The following GRB10 variants were observed in gnomAD, a reference collection of about 807,000 sequenced individuals.
GRB10 encodes growth factor receptor bound protein 10.
GRB10 carries 20 observed loss-of-function variants against 80.9 expected under a neutral mutation model. The observed-to-expected ratio is 0.25, with a 90% CI of 0.17 to 0.36. The LOEUF (loss-of-function observed/expected upper bound fraction) is 0.36. Among genes scored for constraint, GRB10 ranks in the 10% least tolerant of loss-of-function variants. The pLI is 1.00. For synonymous variants in GRB10, 291 were observed against 291.5 expected, an observed-to-expected ratio of 1.00 and a Z score of 0.02; for missense variants, 548 against 747.7, an observed-to-expected ratio of 0.73 and a Z score of 3.12.
At chr7:50,606,924 C>G in intron 13 of GRB10, 1 of 174,618 alleles carries the variant, frequency 5.7e-6, no homozygotes, top group Non-Finnish European at 1.2e-5. Context: ...CATGTCGTGA[C>G]TTTTCTCTGT....
intron 15 of GRB10, 47 bp from the exon 16 acceptor site, chr7:50,604,424 ACCAAGTCAC>A (rs759386028): frequency 5.4e-6 from 8 of 1,479,026 alleles, no homozygotes; most frequent in Non-Finnish European, 6.6e-6. Context: ...AGACAGACAC[ACCAAGTCAC>A]CCAATATGTC....
At chr7:50,639,245 T>C (rs892468501) in intron 7 of GRB10, among the ~76,000 whole-genome samples, 4 of 152,218 alleles carry the variant, frequency 2.6e-5, no homozygotes, top group African/African-American at 9.6e-5. Flanking sequence ...GTCTAAAATT[T>C]AAAAATACGT....
rs553867731 is a variant in GRB10 at position 50,719,458 on chromosome 7, A to G, written c.51+12814T>C. 6.7e-5 allele frequency among the ~76,000 whole-genome samples: 10 copies of G among 149,434 alleles called. 1 individual carries two copies. The South Asian group carries it at 1.3e-3, about 19-fold the overall frequency. The stretch of plus-strand genomic sequence containing the variant: ...CAAACACTGCATGTTCTCACTCATA[A>G]GCGGCAGTTGAACAATGAGAACACG... On this transcript the variant is annotated intron_variant, in intron 4 of 18. Coordinates refer to ENST00000401949, the MANE Select transcript of GRB10 (RefSeq NM_001350814.2).
intron 5 of GRB10, among the ~76,000 whole-genome samples, chr7:50,686,902 T>C: frequency 1.3e-5 from 2 of 152,350 alleles, no homozygotes; most frequent in East Asian, 3.9e-4. Context: ...TCTTTAGTTT[T>C]TTCCTCACTA....
chr7:50,665,925 C>T (rs891794789), intron 7 of GRB10, among the ~76,000 whole-genome samples: 3 of 152,180 alleles, frequency 2.0e-5, no homozygotes, highest in African/African-American at 7.2e-5. Context: ...TCCCGCCAAC[C>T]CAGATGACTC....
At chr7:50,644,988 T>C (rs1289094502) in intron 7 of GRB10, among the ~76,000 whole-genome samples, 1 of 151,924 alleles carries the variant, frequency 6.6e-6, no homozygotes, top group Non-Finnish European at 1.5e-5. Context: ...AGGGCTATAA[T>C]CCCCAGTACC....
At chr7:50,721,447 G>C (rs558232595) in intron 4 of GRB10, among the ~76,000 whole-genome samples, 44 of 152,222 alleles carry the variant, frequency 2.9e-4, no homozygotes, top group Non-Finnish European at 5.7e-4. Context: ...TTGAATTCAA[G>C]TAGCCCTTAC....
intron 7 of GRB10, among the ~76,000 whole-genome samples, chr7:50,633,824 G>A (rs1347481475): frequency 6.6e-6 from 1 of 152,140 alleles, no homozygotes; most frequent in Non-Finnish European, 1.5e-5. Context: ...TTGAAGACTA[G>A]TCTTTTGAAT....
intron 5 of GRB10, among the ~76,000 whole-genome samples, chr7:50,698,949 TACTC>T (rs2063797644): frequency 6.6e-6 from 1 of 152,244 alleles, no homozygotes; most frequent in Non-Finnish European, 1.5e-5. Context: ...GCTCTCCACT[TACTC>T]AGGTTGTTTT....
At chr7:50,631,007 A>T (rs943260694) in intron 7 of GRB10, among the ~76,000 whole-genome samples, 1 of 152,186 alleles carries the variant, frequency 6.6e-6, no homozygotes, top group Non-Finnish European at 1.5e-5. Context: ...AAGGTAGATC[A>T]TTATATCTCC....
intron 17 of GRB10, chr7:50,595,751 G>A: frequency 2.0e-6 from 1 of 501,992 alleles, no homozygotes. Flanking sequence ...TTCTCCATTG[G>A]AAAAAAGCTG....
chr7:50,756,447 C>A (rs189702928), intron 2 of GRB10, among the ~76,000 whole-genome samples: 82 of 152,338 alleles, frequency 5.4e-4, no homozygotes, highest in Non-Finnish European at 8.8e-4. Context: ...AACCTTCGGC[C>A]CACCCAGCAG....
rs200448804 is a variant in GRB10 at position 50,774,995 on chromosome 7, C to CAAAAA, written c.-217+5631_-217+5632insTTTTT. 3.2e-5 allele frequency among the ~76,000 whole-genome samples: 4 copies of CAAAAA among 123,414 alleles called. 1 individual carries two copies. Among genetic ancestry groups the CAAAAA allele is most frequent in the Non-Finnish European group, 7.5e-5 (4 of 53,486 alleles). 81.0% of individuals were successfully genotyped at this position (123,414 alleles called of 152,430 possible). ...CCCATCTCTAATACCAAAAACAAAA[C>CAAAAA]AAAACAAAAAAAAAAACTAGCTGGG... On this transcript the variant is annotated intron_variant, in intron 2 of 18. Coordinates refer to ENST00000401949, the MANE Select transcript of GRB10 (RefSeq NM_001350814.2).
Position 50,596,940 on chromosome 7 carries a change from G to T in GRB10, c.1545-1410C>A, listed in dbSNP as rs148868637. Among the ~76,000 whole-genome samples, 54 of 152,210 alleles carry T rather than the reference G, an allele frequency of 3.5e-4. No individual in the cohort carries two copies. In the East Asian group the frequency reaches 8.7e-3, roughly 25 times the overall value. ...AAAAGATAGTTATACATCAGAAAGCGAAGAAAGATCCAATGAAAGCTACAA... is the reference window on the plus strand; with the variant it reads ...AAAAGATAGTTATACATCAGAAAGCTAAGAAAGATCCAATGAAAGCTACAA... On this transcript the variant is annotated intron_variant, in intron 17 of 18. Coordinates refer to ENST00000401949, the MANE Select transcript of GRB10 (RefSeq NM_001350814.2).
chr7:50,749,903 C>A (rs1377338834), intron 3 of GRB10, among the ~76,000 whole-genome samples: 1 of 152,214 alleles, frequency 6.6e-6, no homozygotes, highest in South Asian at 2.1e-4. Flanking sequence ...TATCATAAAT[C>A]TTATTGCATG....
intron 5 of GRB10, among the ~76,000 whole-genome samples, chr7:50,678,353 C>T (rs1021359576): frequency 2.0e-5 from 3 of 152,236 alleles, no homozygotes; most frequent in Admixed American, 1.3e-4. Context: ...CCAGGTCAAT[C>T]TGGTAACTCA....
rs6942423 is a variant in GRB10, at chr7:50,756,316, G to A, written c.-216-260C>T. Among the ~76,000 whole-genome samples the A allele has an allele frequency of 8.5e-3, 1,298 of 152,298 alleles. 11 individuals carry two copies. Among genetic ancestry groups the A allele is most frequent in the Non-Finnish European group, 0.014 (969 of 68,008 alleles). On this transcript the variant is annotated intron_variant, in intron 2 of 18. Transcript: ENST00000401949. Reference sequence around the variant, plus strand: ...ACGCTCACTGCCCACACATCTCTGCGTCTCCAAAGCACGCTGCCTCCAAGG... The same window carrying A: ...ACGCTCACTGCCCACACATCTCTGCATCTCCAAAGCACGCTGCCTCCAAGG...
chr7:50,663,264 C>G lies in GRB10; in HGVS notation c.504+6458G>C, dbSNP rs3819431. On this transcript the variant is annotated intron_variant, in intron 7 of 18. Transcript: ENST00000401949. The stretch of plus-strand genomic sequence containing the variant: ...GGATGCTGACAGGTGAAGGGACCTT[C>G]CCCCACAAGGAGTAGGTGGCACCTC... Among the ~76,000 whole-genome samples the G allele has an allele frequency of 2.0e-5, 3 of 152,250 alleles. No homozygotes were observed. The East Asian group carries it at 5.8e-4, about 29-fold the overall frequency.
At chr7:50,757,586 G>A (rs11238310) in intron 2 of GRB10, among the ~76,000 whole-genome samples, 93,924 of 151,890 alleles carry the variant, frequency 0.62, 31,886 homozygotes, top group Middle Eastern at 0.87. Context: ...CGCTTTAACC[G>A]TCTCAAAGAA....
Sources: allele counts gnomAD v4.1 joint callset (sites outside exome capture counted in the v4.1 genomes callset), GRCh38; gene constraint gnomAD v4.1.1; transcripts MANE v1.5; gene names NCBI Gene and HGNC (gene_info 2026-07-23, HGNC 2026-07-21).